TAFA1: variants seen among roughly 807,000 people sequenced by gnomAD.
The protein encoded by TAFA1 is TAFA chemokine like family member 1.
A neutral mutation model predicts 18.5 loss-of-function variants in TAFA1; 4 were observed. The observed-to-expected ratio is 0.22, with a 90% CI of 0.11 to 0.49. The LOEUF (loss-of-function observed/expected upper bound fraction) is 0.49. Ranked by LOEUF, TAFA1 falls within the 20% of genes least tolerant of loss-of-function variation. TAFA1 has a pLI of 0.98. For missense variants in TAFA1, 147 were observed against 169.0 expected (o/e 0.87, Z 0.72); for synonymous variants, 56 against 55.2 (o/e 1.01, Z -0.06).
intron 2 of TAFA1, among the ~76,000 whole-genome samples, chr3:68,105,806 A>G (rs1054881089): frequency 6.6e-5 from 10 of 152,178 alleles, no homozygotes; most frequent in African/African-American, 2.4e-4. Context: ...AGATTATTCA[A>G]TAATTTCTTT....
At chr3:68,343,403 A>G (rs1371066322) in intron 2 of TAFA1, among the ~76,000 whole-genome samples, 3 of 150,188 alleles carry the variant, frequency 2.0e-5, no homozygotes, top group African/African-American at 7.6e-5. Flanking sequence ...AGTTTGAGAC[A>G]TACTGGTCTC....
intron 3 of TAFA1, among the ~76,000 whole-genome samples, chr3:68,523,948 G>T (rs1424038990): frequency 2.0e-5 from 3 of 152,064 alleles, no homozygotes; most frequent in Middle Eastern, 6.3e-3. Flanking sequence ...TTACTTGCTT[G>T]ATGCTTTTCT....
At chr3:68,392,065 A>G (rs2070265894) in intron 2 of TAFA1, among the ~76,000 whole-genome samples, 1 of 152,030 alleles carries the variant, frequency 6.6e-6, no homozygotes, top group Non-Finnish European at 1.5e-5. Flanking sequence ...ACAGACTGGC[A>G]AATTGGATAA....
chr3:68,370,417 TACAC>T (rs36170007), intron 2 of TAFA1, among the ~76,000 whole-genome samples: 8 of 80,258 alleles, frequency 1.0e-4, no homozygotes, highest in African/African-American at 2.0e-4. Flanking sequence ...CATATATATG[TACAC>T]ACACACACAC....
At chr3:68,028,790 T>C (rs1704872421) in intron 2 of TAFA1, among the ~76,000 whole-genome samples, 1 of 152,024 alleles carries the variant, frequency 6.6e-6, no homozygotes, top group South Asian at 2.1e-4. Context: ...TTTCACTCTG[T>C]TGCCCAGGCG....
rs529544281 is a variant in TAFA1 at position 68,353,449 on chromosome 3, C to A, written c.119-63831C>A. On this transcript the variant is annotated intron_variant, in intron 2 of 4. Transcript: ENST00000478136. The stretch of plus-strand genomic sequence containing the variant: ...CATCATGTGATTATTGTGGTGTGAG[C>A]ACTCTAGTAGTAATTTTTATTTGGT... Among the ~76,000 whole-genome samples the A allele has an allele frequency of 2.0e-5, 3 of 152,150 alleles. No homozygotes were observed. In the South Asian group the frequency reaches 6.2e-4, roughly 32 times the overall value.
chr3:68,362,980 C>CTTTT (rs10681792), intron 2 of TAFA1, among the ~76,000 whole-genome samples: 22,181 of 74,530 alleles, frequency 0.3, 4,187 homozygotes, highest in South Asian at 0.51. Context: ...GTCTTGCAGG[C>CTTTT]TTTTTTTTTT....
At chr3:68,150,381 C>T (rs2065791120) in intron 2 of TAFA1, among the ~76,000 whole-genome samples, 1 of 152,180 alleles carries the variant, frequency 6.6e-6, no homozygotes, top group East Asian at 1.9e-4. Flanking sequence ...TGCTCAAATT[C>T]CCACCTCAGC....
chr3:68,301,759 G>T (rs4575904), intron 2 of TAFA1, among the ~76,000 whole-genome samples: 100,992 of 152,040 alleles, frequency 0.66, 34,566 homozygotes, highest in East Asian at 0.9. Flanking sequence ...GTCAGAAGTC[G>T]GTCAGATGAC....
At chr3:68,370,353 T>TATATATATAC (rs776307736) in intron 2 of TAFA1, among the ~76,000 whole-genome samples, 5 of 41,124 alleles carry the variant, frequency 1.2e-4, no homozygotes, top group African/African-American at 3.4e-4. Flanking sequence ...TATATATATA[T>TATATATATAC]ACACACACAC....
chr3:68,352,088 G>A (rs1036610759), intron 2 of TAFA1, among the ~76,000 whole-genome samples: 11 of 151,966 alleles, frequency 7.2e-5, no homozygotes, highest in African/African-American at 2.4e-4. Flanking sequence ...TTCCAGGAAA[G>A]TAAGGGTCTG....
At chr3:68,367,416 G>GT (rs760347945) in intron 2 of TAFA1, among the ~76,000 whole-genome samples, 1 of 152,118 alleles carries the variant, frequency 6.6e-6, no homozygotes, top group Non-Finnish European at 1.5e-5. Context: ...GGAAACAAAG[G>GT]TTAGGTCAAA....
intron 2 of TAFA1, among the ~76,000 whole-genome samples, chr3:68,182,808 T>C (rs1016157919): frequency 6.6e-6 from 1 of 152,198 alleles, no homozygotes; most frequent in African/African-American, 2.4e-5. Flanking sequence ...TTTCAGCCAA[T>C]TTAGTTTATT....
At chr3:68,010,990 T>C (rs1214140476) in intron 2 of TAFA1, among the ~76,000 whole-genome samples, 1 of 152,104 alleles carries the variant, frequency 6.6e-6, no homozygotes, top group Non-Finnish European at 1.5e-5. Context: ...TCACCAGGTT[T>C]TTTTGTGTAA....
intron 2 of TAFA1, among the ~76,000 whole-genome samples, chr3:68,401,636 T>C (rs2070494777): frequency 6.6e-6 from 1 of 152,218 alleles, no homozygotes; most frequent in Non-Finnish European, 1.5e-5. Flanking sequence ...AGGAAAACAA[T>C]CTACTACTTC....
intron 2 of TAFA1, among the ~76,000 whole-genome samples, chr3:68,362,304 A>C (rs961086137): frequency 6.6e-6 from 1 of 152,146 alleles, no homozygotes; most frequent in African/African-American, 2.4e-5. Context: ...TGTGAGAGTT[A>C]AAAGGGGATG....
At chr3:68,439,012 A>G (rs998592688) in intron 3 of TAFA1, among the ~76,000 whole-genome samples, 5 of 152,046 alleles carry the variant, frequency 3.3e-5, no homozygotes, top group African/African-American at 1.2e-4. Flanking sequence ...AGCAGCCTCA[A>G]AGATCTATAA....
intron 3 of TAFA1, among the ~76,000 whole-genome samples, chr3:68,427,068 T>C (rs954116823): frequency 6.6e-6 from 1 of 151,654 alleles, no homozygotes; most frequent in African/African-American, 2.4e-5. Context: ...GAGAGAGAGA[T>C]AGGTCATGGC....
intron 2 of TAFA1, among the ~76,000 whole-genome samples, chr3:68,352,237 A>G (rs1182264142): frequency 2.0e-5 from 3 of 151,998 alleles, no homozygotes; most frequent in African/African-American, 7.2e-5. Context: ...TAGCTGGGAC[A>G]GATCCCTGTA....
Sources: allele counts gnomAD v4.1 joint callset (sites outside exome capture counted in the v4.1 genomes callset), GRCh38; gene constraint gnomAD v4.1.1; transcripts MANE v1.5; gene names NCBI Gene and HGNC (gene_info 2026-07-23, HGNC 2026-07-21).